VTI1A: variants seen among roughly 807,000 people sequenced by gnomAD.
VTI1A encodes vesicle transport through interaction with t-SNAREs 1A.
In VTI1A, 22 loss-of-function variants were observed where a neutral mutation model predicts 34.9. The observed-to-expected ratio is 0.63, with a 90% confidence interval of 0.45 to 0.90. The LOEUF is 0.90. Among genes scored for constraint, VTI1A ranks in the 40% least tolerant of loss-of-function variants. The pLI is 0.00. For missense variants in VTI1A, 268 were observed against 275.6 expected, an observed-to-expected ratio of 0.97 and a Z score of 0.20; for synonymous variants, 87 against 97.3, an observed-to-expected ratio of 0.89 and a Z score of 0.62.
At chr10:112,557,444 T>C (rs970493476) in intron 5 of VTI1A, among the ~76,000 whole-genome samples, 4 of 152,168 alleles carry the variant, frequency 2.6e-5, no homozygotes, top group African/African-American at 9.6e-5. Flanking sequence ...GGATTTTGTA[T>C]AAAGCAATTA....
At chr10:112,684,660 C>T (rs1263667565) in intron 7 of VTI1A, among the ~76,000 whole-genome samples, 2 of 152,016 alleles carry the variant, frequency 1.3e-5, no homozygotes, top group Non-Finnish European at 2.9e-5. Context: ...AGGTTGGTCT[C>T]GAACTGCTGA....
At chr10:112,821,421 C>T (rs1853652768), downstream of VTI1A, among the ~76,000 whole-genome samples, 2 of 152,182 alleles carry the variant, frequency 1.3e-5, no homozygotes, top group Non-Finnish European at 2.9e-5. Context: ...CACTTCGTTA[C>T]CGCAACTTTG....
chr10:112,715,430 T>A (rs10885375), intron 7 of VTI1A, among the ~76,000 whole-genome samples: 1 of 152,014 alleles, frequency 6.6e-6, no homozygotes, highest in Non-Finnish European at 1.5e-5. Flanking sequence ...TGGAGTCCTC[T>A]TTGTTAAAAC....
rs188534590 is a variant in VTI1A, at chr10:112,719,845, C to G, written c.560+50847C>G. Among the ~76,000 whole-genome samples, 15 of 152,232 alleles carry G rather than the reference C, an allele frequency of 9.9e-5. No individual in the cohort carries two copies. In the East Asian group the frequency reaches 2.7e-3, roughly 27 times the overall value. ...ACAGGCGTGAGCCACGACACCCAGC[C>G]CAATTGTAGAACATTTTTATCACCG... is the stretch of plus-strand genomic sequence containing the variant. On this transcript the variant is annotated intron_variant, in intron 7 of 7. Transcript: ENST00000393077.
intron 5 of VTI1A, among the ~76,000 whole-genome samples, chr10:112,649,024 T>C (rs1051158436): frequency 6.6e-5 from 10 of 152,324 alleles, no homozygotes; most frequent in African/African-American, 2.2e-4. Flanking sequence ...ACTTTTCCTG[T>C]ACCTGAAGTG....
At chr10:112,572,818 G>A (rs897296350) in intron 5 of VTI1A, among the ~76,000 whole-genome samples, 6 of 145,150 alleles carry the variant, frequency 4.1e-5, no homozygotes, top group Non-Finnish European at 7.5e-5. Flanking sequence ...CAGACTGGGC[G>A]ACAGAGCGAG....
intron 5 of VTI1A, among the ~76,000 whole-genome samples, chr10:112,566,277 A>AC (rs1461998798): frequency 1.3e-5 from 2 of 152,182 alleles, no homozygotes; most frequent in Non-Finnish European, 2.9e-5. Flanking sequence ...CATATAAAAA[A>AC]CTTACAGTGA....
chr10:112,672,500 G>A (rs1847886844), intron 7 of VTI1A, among the ~76,000 whole-genome samples: 1 of 152,196 alleles, frequency 6.6e-6, no homozygotes, highest in South Asian at 2.1e-4. Flanking sequence ...TAACTCTGTA[G>A]ACAGAGTTTA....
At chr10:112,756,253 T>C (rs922120061) in intron 7 of VTI1A, among the ~76,000 whole-genome samples, 1 of 152,190 alleles carries the variant, frequency 6.6e-6, no homozygotes, top group African/African-American at 2.4e-5. Flanking sequence ...AACATCATCA[T>C]TATGCTTATC....
intron 3 of VTI1A, among the ~76,000 whole-genome samples, chr10:112,508,093 AAGCAGAAGTCCTGTGTTATTCTTTACAT>A (rs1284912292): frequency 2.0e-5 from 3 of 152,114 alleles, no homozygotes; most frequent in Non-Finnish European, 4.4e-5. Flanking sequence ...ATCCTTTGGG[AAGCAGAAGTCCTGTGTTATTCTTTACAT>A]AGCCCTGCCT....
At position 112,809,859 on chromosome 10, in the gene VTI1A, A is replaced by C. The variant is rs111323338; in HGVS notation, c.561-5431A>C. ...TGTAGTCAATGTACTGGAAAGAGAGATGTGTAGGGAGATAGGAGAATACGA... is the reference window on the plus strand; with the variant it reads ...TGTAGTCAATGTACTGGAAAGAGAGCTGTGTAGGGAGATAGGAGAATACGA... On this transcript the variant is annotated intron_variant, in intron 7 of 7. Transcript: ENST00000393077. Among the ~76,000 whole-genome samples, 636 of 152,224 alleles carry C rather than the reference A, an allele frequency of 4.2e-3. 2 individuals carry two copies. The highest frequency in any genetic ancestry group is 0.014 in the African/African-American group (590 of 41,526).
At chr10:112,613,034 T>A (rs1349483682) in intron 5 of VTI1A, among the ~76,000 whole-genome samples, 1 of 152,160 alleles carries the variant, frequency 6.6e-6, no homozygotes, top group East Asian at 1.9e-4. Flanking sequence ...AAAATGATAC[T>A]AATTTTCTCA....
At chr10:112,754,710 T>C (rs967269226) in intron 7 of VTI1A, among the ~76,000 whole-genome samples, 2 of 152,200 alleles carry the variant, frequency 1.3e-5, no homozygotes, top group Non-Finnish European at 2.9e-5. Flanking sequence ...CTTTATGCCC[T>C]GGCAGCTGGC....
At chr10:112,741,666 AAGGTATTTG>A (rs1412218895) in intron 7 of VTI1A, among the ~76,000 whole-genome samples, 3 of 152,238 alleles carry the variant, frequency 2.0e-5, no homozygotes, top group Admixed American at 6.5e-5. Context: ...AAAAATTTTT[AAGGTATTTG>A]AAGGTGAGTT....
intron 7 of VTI1A, among the ~76,000 whole-genome samples, chr10:112,781,617 G>A (rs919079979): frequency 6.6e-6 from 1 of 151,860 alleles, no homozygotes; most frequent in Admixed American, 6.6e-5. Context: ...GAGGCGGGTG[G>A]ATCACTTGAG....
At chr10:112,736,099 A>G (rs946349824) in intron 7 of VTI1A, among the ~76,000 whole-genome samples, 1 of 127,804 alleles carries the variant, frequency 7.8e-6, no homozygotes, top group African/African-American at 3.5e-5. Flanking sequence ...TTTTACATAT[A>G]TATGTGTGTG....
chr10:112,577,680 G>A (rs150546408), intron 5 of VTI1A, among the ~76,000 whole-genome samples: 2 of 152,344 alleles, frequency 1.3e-5, no homozygotes, highest in Non-Finnish European at 2.9e-5. Context: ...ATATGATGAG[G>A]CCTATACTTA....
intron 7 of VTI1A, among the ~76,000 whole-genome samples, chr10:112,706,874 C>A (rs905166368): frequency 6.6e-6 from 1 of 152,180 alleles, no homozygotes; most frequent in African/African-American, 2.4e-5. Flanking sequence ...TTCTTTAAAG[C>A]AGCAGCAGGT....
chr10:112,773,423 A>G (rs1368482867), intron 7 of VTI1A, among the ~76,000 whole-genome samples: 2 of 152,186 alleles, frequency 1.3e-5, no homozygotes, highest in Non-Finnish European at 2.9e-5. Flanking sequence ...AGATCATAGA[A>G]GCCAGAACCC....
Sources: allele counts gnomAD v4.1 joint callset (sites outside exome capture counted in the v4.1 genomes callset), GRCh38; gene constraint gnomAD v4.1.1; transcripts MANE v1.5; gene names NCBI Gene and HGNC (gene_info 2026-07-23, HGNC 2026-07-21).